Variants in PAM observed in about 807,000 individuals in gnomAD.
The protein encoded by PAM is peptidyl-glycine alpha-amidating monooxygenase.
Under a neutral mutation model 122.1 loss-of-function variants are expected in PAM, and 72 were observed. The observed-to-expected ratio is 0.59, with a 90% CI of 0.49 to 0.72. The LOEUF is 0.72. Among genes scored for constraint, PAM ranks in the 30% least tolerant of loss-of-function variants. The probability of loss-of-function intolerance (pLI) is 0.00; values close to 1 mark genes in which losing one functional copy is unlikely to be tolerated. For synonymous variants in PAM, 389 were observed against 404.4 expected (o/e 0.96, Z 0.46); for missense variants, 1,106 against 1,183.7 (o/e 0.93, Z 0.96).
intron 21 of PAM, among the ~76,000 whole-genome samples, chr5:103,016,575 A>G (rs1023670796): frequency 1.3e-5 from 2 of 152,334 alleles, no homozygotes; most frequent in Non-Finnish European, 2.9e-5. Context: ...CCCCAAAAGA[A>G]AGTCACAAAA....
chr5:102,781,213 T>C (rs761072082), intron 1 of PAM, among the ~76,000 whole-genome samples: 3 of 152,296 alleles, frequency 2.0e-5, no homozygotes, highest in Non-Finnish European at 4.4e-5. Context: ...ATTACTCATT[T>C]TTTTGGGTCA....
intron 7 of PAM, among the ~76,000 whole-genome samples, chr5:102,932,997 A>G (rs1285327323): frequency 6.6e-6 from 1 of 152,168 alleles, no homozygotes; most frequent in Admixed American, 6.5e-5. Flanking sequence ...CACTACATGG[A>G]GGAAAAGATG....
At chr5:102,828,279 G>A (rs1241152738) in intron 1 of PAM, among the ~76,000 whole-genome samples, 3 of 151,962 alleles carry the variant, frequency 2.0e-5, no homozygotes, top group African/African-American at 7.3e-5. Flanking sequence ...CCTAGAAGGC[G>A]GAGGTTGCAA....
chr5:102,814,901 TAG>T (rs1214190166), intron 1 of PAM, among the ~76,000 whole-genome samples: 2 of 151,996 alleles, frequency 1.3e-5, no homozygotes, highest in African/African-American at 2.4e-5. Context: ...CTTTCTGTGA[TAG>T]AGTTTTCCCC....
At chr5:102,961,602 A>T (rs1237331832) in intron 14 of PAM, among the ~76,000 whole-genome samples, 1 of 151,938 alleles carries the variant, frequency 6.6e-6, no homozygotes, top group Non-Finnish European at 1.5e-5. Flanking sequence ...ATGTTCATTA[A>T]GTAGATTTGA....
chr5:103,027,226 T>A (rs1481839951), intron 24 of PAM, among the ~76,000 whole-genome samples: 2 of 152,234 alleles, frequency 1.3e-5, no homozygotes, highest in African/African-American at 4.8e-5. Context: ...CACATGGGGA[T>A]ACAAAACTAA....
intron 14 of PAM, among the ~76,000 whole-genome samples, chr5:102,962,194 A>G (rs1762711253): frequency 6.6e-6 from 1 of 151,888 alleles, no homozygotes; most frequent in East Asian, 1.9e-4. Context: ...TGAAAGAAGC[A>G]TAAAGTAAAC....
chr5:102,902,115 T>C lies in PAM; in HGVS notation c.268+702T>C, dbSNP rs191206519. On this transcript the variant is annotated intron_variant, in intron 4 of 25. Coordinates refer to ENST00000438793, the MANE Select transcript of PAM (RefSeq NM_001177306.2). Reference sequence around the variant, plus strand: ...TTGGCAAATTATTCATGTATTTGGCTTTTCTCTGCTTCATTTTAAAACATT... The same window carrying C: ...TTGGCAAATTATTCATGTATTTGGCCTTTCTCTGCTTCATTTTAAAACATT... 8.0e-4 allele frequency among the ~76,000 whole-genome samples: 121 copies of C among 151,754 alleles called. 1 individual carries two copies. Among genetic ancestry groups the C allele is most frequent in the African/African-American group, 2.8e-3 (116 of 41,500 alleles).
chr5:103,020,539 A>T (rs1783265330), intron 23 of PAM, among the ~76,000 whole-genome samples: 1 of 152,156 alleles, frequency 6.6e-6, no homozygotes, highest in African/African-American at 2.4e-5. Context: ...AGTCCCTGTC[A>T]ACTTATTTTG....
At chr5:102,900,929 T>C (rs186375078) in intron 3 of PAM, among the ~76,000 whole-genome samples, 5 of 151,774 alleles carry the variant, frequency 3.3e-5, no homozygotes, top group Non-Finnish European at 7.4e-5. Context: ...CTTTTATTCA[T>C]TGTACTTCTC....
chr5:102,906,142 A>G lies in PAM; in HGVS notation c.268+4729A>G, dbSNP rs948056371. Among the ~76,000 whole-genome samples the G allele has an allele frequency of 3.3e-5, 5 of 151,666 alleles. No homozygotes were observed. The South Asian group carries it at 1.0e-3, about 31-fold the overall frequency. ...AACATCTCCTCAGCTTTTCTCAAGTAATAAAAAACAGTGAGAGATGAATAG... is the reference window on the plus strand; with the variant it reads ...AACATCTCCTCAGCTTTTCTCAAGTGATAAAAAACAGTGAGAGATGAATAG... On this transcript the variant is annotated intron_variant, in intron 4 of 25. Coordinates refer to ENST00000438793, the MANE Select transcript of PAM (RefSeq NM_001177306.2).
intron 1 of PAM, among the ~76,000 whole-genome samples, chr5:102,789,983 C>G (rs573042111): frequency 1.3e-4 from 19 of 151,954 alleles, no homozygotes; most frequent in African/African-American, 4.6e-4. Context: ...ATTTTCTTAT[C>G]TTGTATGTGA....
chr5:103,025,057 C>T, intron 23 of PAM, 74 bp from the exon 24 acceptor site: 1 of 983,736 alleles, frequency 1.0e-6, no homozygotes, highest in Non-Finnish European at 1.6e-6. Flanking sequence ...ATTGATTTGA[C>T]TGGGTAGGGG....
At chr5:102,761,298 C>T (rs1285746690) in intron 1 of PAM, among the ~76,000 whole-genome samples, 1 of 152,200 alleles carries the variant, frequency 6.6e-6, no homozygotes, top group East Asian at 1.9e-4. Flanking sequence ...ATCAAAGCAG[C>T]AGATCTGCTT....
chr5:102,937,486 C>T (rs540734705), intron 7 of PAM, among the ~76,000 whole-genome samples: 5 of 152,116 alleles, frequency 3.3e-5, no homozygotes, highest in Non-Finnish European at 5.9e-5. Flanking sequence ...AAAGCACTGT[C>T]GAACAGGAAA....
At chr5:102,791,479 TC>T (rs1235205565) in intron 1 of PAM, among the ~76,000 whole-genome samples, 1 of 152,058 alleles carries the variant, frequency 6.6e-6, no homozygotes, top group African/African-American at 2.4e-5. Flanking sequence ...TATTTTTACT[TC>T]TACATGTGGT....
intron 7 of PAM, among the ~76,000 whole-genome samples, chr5:102,941,730 A>G (rs1160968951): frequency 6.6e-6 from 1 of 151,738 alleles, no homozygotes; most frequent in Non-Finnish European, 1.5e-5. Context: ...GAACTAATTT[A>G]AAAAAACTTT....
intron 1 of PAM, among the ~76,000 whole-genome samples, chr5:102,824,411 A>G (rs963702444): frequency 2.0e-5 from 3 of 152,222 alleles, no homozygotes; most frequent in Non-Finnish European, 4.4e-5. Flanking sequence ...TCTATGTACA[A>G]ATGGAAGGTG....
intron 1 of PAM, among the ~76,000 whole-genome samples, chr5:102,853,142 A>G (rs565593151): frequency 6.6e-6 from 1 of 152,302 alleles, no homozygotes; most frequent in South Asian, 2.1e-4. Flanking sequence ...ATGCAACACA[A>G]ACTTGAGGCT....
Sources: gnomAD v4.1 joint callset for allele counts (sites outside exome capture counted in the v4.1 genomes callset) on GRCh38, gnomAD v4.1.1 for gene constraint, MANE v1.5 for transcripts, NCBI Gene and HGNC (gene_info 2026-07-23, HGNC 2026-07-21) for gene names.